The following TRIM9 variants were observed in gnomAD, a reference collection of about 807,000 sequenced individuals.
TRIM9 encodes E3 ubiquitin-protein ligase TRIM9.
A neutral mutation model predicts 78.3 loss-of-function variants in TRIM9; 26 were observed. The observed-to-expected ratio is 0.33, with a 90% CI of 0.24 to 0.46. TRIM9 has a LOEUF of 0.46. Among genes scored for constraint, TRIM9 ranks in the 20% least tolerant of loss-of-function variants. The pLI, the probability that TRIM9 is intolerant of heterozygous loss-of-function variation, is 1.00. For synonymous variants in TRIM9, 398 were observed against 416.5 expected (o/e 0.96, Z 0.54); for missense variants, 787 against 1,036.4 (o/e 0.76, Z 3.30).
chr14:51,008,032 T>C (rs1024093353), intron 5 of TRIM9, among the ~76,000 whole-genome samples: 9 of 152,192 alleles, frequency 5.9e-5, no homozygotes, highest in African/African-American at 2.2e-4. Context: ...ATTTACTATA[T>C]GGATGCTTAA....
At chr14:50,997,639 A>T (rs547218568) in intron 7 of TRIM9, 1 of 1,044,618 alleles carries the variant, frequency 9.6e-7, no homozygotes, top group African/African-American at 1.7e-5. Context: ...CCTCAGAACA[A>T]GCAAGTACTA....
chr14:51,036,568 A>G (rs377475313), intron 1 of TRIM9, among the ~76,000 whole-genome samples: 1 of 152,182 alleles, frequency 6.6e-6, no homozygotes, highest in East Asian at 1.9e-4. Context: ...ATTACTTATA[A>G]TACCTAATAC....
At chr14:51,008,302 TTA>T (rs1157270771) in intron 5 of TRIM9, among the ~76,000 whole-genome samples, 1 of 152,190 alleles carries the variant, frequency 6.6e-6, no homozygotes, top group Admixed American at 6.5e-5. Context: ...GGTTTTGATA[TTA>T]TGTTATAGCT....
chr14:50,981,067 T>C (rs1217713728), intron 11 of TRIM9, among the ~76,000 whole-genome samples: 1 of 152,126 alleles, frequency 6.6e-6, no homozygotes, highest in Non-Finnish European at 1.5e-5. Context: ...CAGTAGAAAT[T>C]TCTCTGCCTA....
chr14:51,051,736 G>A (rs1316608494), intron 1 of TRIM9, among the ~76,000 whole-genome samples: 2 of 152,178 alleles, frequency 1.3e-5, no homozygotes, highest in African/African-American at 2.4e-5. Flanking sequence ...GGAGGCTGAG[G>A]CGGGTAGATC....
In TRIM9 at chr14:51,056,122, C is replaced by G. The variant is rs532976479; in HGVS notation, c.823-30762G>C. Among the ~76,000 whole-genome samples, 7 of 152,212 alleles carry G rather than the reference C, an allele frequency of 4.6e-5. No homozygotes were observed. In the South Asian group the frequency reaches 1.2e-3, roughly 27 times the overall value. On this transcript the variant is annotated intron_variant, in intron 1 of 12. Transcript: ENST00000684578. ...ACAGATGTACAAAAGCAAACGTCTA[C>G]AATGGTACAAAAATTATGCATATGG... is the stretch of plus-strand genomic sequence containing the variant.
intron 1 of TRIM9, among the ~76,000 whole-genome samples, chr14:51,093,267 G>C (rs983037606): frequency 1.3e-5 from 2 of 152,194 alleles, no homozygotes; most frequent in African/African-American, 4.8e-5. Context: ...AGATAAATCT[G>C]GTAACAGGTG....
intron 10 of TRIM9, chr14:50,982,715 C>T: frequency 2.0e-6 from 1 of 507,510 alleles, no homozygotes; most frequent in East Asian, 2.9e-5. Flanking sequence ...AGTTTGCGTG[C>T]TACTCCTGAA....
rs778956918 is a variant in TRIM9, at chr14:51,042,010, G to A, written c.823-16650C>T. On this transcript the variant is annotated intron_variant, in intron 1 of 12. Transcript: ENST00000684578. ...CACTGCTGGAGCAGGAAGCTCTGTCGGAGTGAGGTGGCATCCTCAGCACAG... is the reference window on the plus strand; with the variant it reads ...CACTGCTGGAGCAGGAAGCTCTGTCAGAGTGAGGTGGCATCCTCAGCACAG... Among the ~76,000 whole-genome samples the A allele has an allele frequency of 3.9e-5, 6 of 152,146 alleles. No homozygotes were observed. The East Asian group carries it at 5.8e-4, about 15-fold the overall frequency.
chr14:51,010,189 T>TG (rs1056015849), intron 4 of TRIM9, among the ~76,000 whole-genome samples, 195 bp downstream of exon 4: 4 of 151,930 alleles, frequency 2.6e-5, no homozygotes, highest in African/African-American at 9.7e-5. Context: ...TTGTAGTACA[T>TG]GGTGCCAGAG....
At chr14:51,073,812 T>C (rs1017745722) in intron 1 of TRIM9, among the ~76,000 whole-genome samples, 2 of 152,260 alleles carry the variant, frequency 1.3e-5, no homozygotes, top group African/African-American at 4.8e-5. Context: ...ATCTTTTTTG[T>C]TGTTTTTTGC....
chr14:51,010,671 T>C (rs997565336), intron 3 of TRIM9, among the ~76,000 whole-genome samples, 177 bp from the exon 4 acceptor site: 3 of 152,266 alleles, frequency 2.0e-5, no homozygotes, highest in South Asian at 4.2e-4. Flanking sequence ...GGAAGACAGA[T>C]GGGATAAGAT....
chr14:50,988,640 T>A (rs1185870393), intron 7 of TRIM9, among the ~76,000 whole-genome samples: 6 of 151,978 alleles, frequency 3.9e-5, no homozygotes, highest in African/African-American at 1.5e-4. Context: ...GCTGGGCTTT[T>A]ACCGTATTTT....
intron 1 of TRIM9, among the ~76,000 whole-genome samples, chr14:51,066,056 G>A (rs1161648290): frequency 1.7e-5 from 1 of 58,252 alleles, no homozygotes; most frequent in Non-Finnish European, 3.4e-5. Context: ...TCTTTTAGAA[G>A]GAAGGAAGGA....
intron 12 of TRIM9, 75 bp from the exon 13 acceptor site, chr14:50,977,428 G>T: frequency 1.7e-6 from 2 of 1,175,192 alleles, no homozygotes; most frequent in Non-Finnish European, 2.3e-6. Context: ...CCGTGGGTGT[G>T]TCCCTAACTC....
intron 1 of TRIM9, among the ~76,000 whole-genome samples, chr14:51,064,006 T>A (rs1480158239): frequency 6.6e-6 from 1 of 152,062 alleles, no homozygotes; most frequent in Non-Finnish European, 1.5e-5. Flanking sequence ...ATATGATTAT[T>A]AAAGGCAAAA....
At chr14:51,040,986 G>C (rs1006038798) in intron 1 of TRIM9, among the ~76,000 whole-genome samples, 1 of 152,166 alleles carries the variant, frequency 6.6e-6, no homozygotes, top group Non-Finnish European at 1.5e-5. Flanking sequence ...GTGTTGAAAG[G>C]CTTATTAGGA....
chr14:50,992,409 C>T lies in TRIM9; in HGVS notation c.1603+5641G>A, dbSNP rs146783027. Among the ~76,000 whole-genome samples the T allele has an allele frequency of 3.3e-3, 464 of 140,912 alleles. 4 individuals carry two copies. The highest frequency in any genetic ancestry group is 7.0e-3 in the Middle Eastern group (2 of 284). 92.4% of individuals were successfully genotyped at this position (140,912 alleles called of 152,430 possible). A position where few individuals can be genotyped will look rare whatever the true frequency, so the allele number is the denominator to read the frequency against. On this transcript the variant is annotated intron_variant, in intron 7 of 12. Coordinates refer to ENST00000684578, the MANE Select transcript of TRIM9 (RefSeq NM_001387360.1). Reference sequence around the variant, plus strand: ...GCTGGGCAACATAGTGAGACCCTGTCTCTACGGAAAAAAAAAAAAGCCAGG... The same window carrying T: ...GCTGGGCAACATAGTGAGACCCTGTTTCTACGGAAAAAAAAAAAAGCCAGG...
At chr14:51,048,443 A>G (rs2060123165) in intron 1 of TRIM9, among the ~76,000 whole-genome samples, 2 of 152,234 alleles carry the variant, frequency 1.3e-5, no homozygotes, top group South Asian at 4.1e-4. Context: ...CACAGTTAAG[A>G]AAGTTCATGT....
Sources: allele counts gnomAD v4.1 joint callset (sites outside exome capture counted in the v4.1 genomes callset), GRCh38; gene constraint gnomAD v4.1.1; transcripts MANE v1.5; gene names NCBI Gene and HGNC (gene_info 2026-07-23, HGNC 2026-07-21).